The following CDH6 variants were observed in gnomAD, a reference collection of about 807,000 sequenced individuals.
CDH6 encodes cadherin 6.
A neutral mutation model predicts 78.0 loss-of-function variants in CDH6; 31 were observed. The ratio of observed to expected loss-of-function variants is 0.40; its 90% confidence interval spans 0.30 to 0.54. The LOEUF is 0.54. Among genes scored for constraint, CDH6 ranks in the 20% least tolerant of loss-of-function variants. The pLI is 0.56. For missense variants in CDH6, 724 were observed against 975.9 expected (o/e 0.74, Z 3.44); for synonymous variants, 376 against 368.8 (o/e 1.02, Z -0.23).
At chr5:31,284,514 C>G (rs1244462218) in intron 2 of CDH6, among the ~76,000 whole-genome samples, 1 of 152,204 alleles carries the variant, frequency 6.6e-6, no homozygotes, top group Non-Finnish European at 1.5e-5. Context: ...GGGAGAAGCC[C>G]TGTTTCATTC....
chr5:31,226,431 T>C (rs1741152381), intron 1 of CDH6, among the ~76,000 whole-genome samples: 1 of 152,170 alleles, frequency 6.6e-6, no homozygotes, highest in South Asian at 2.1e-4. Context: ...CACCTTGGCC[T>C]CCCAAAGTGC....
chr5:31,229,320 ACT>A (rs1319997272), intron 1 of CDH6, among the ~76,000 whole-genome samples: 2 of 152,226 alleles, frequency 1.3e-5, no homozygotes, highest in African/African-American at 4.8e-5. Flanking sequence ...TGGTCACCAT[ACT>A]GGTTAGAAAT....
chr5:31,292,577 T>C (rs1180850723), intron 2 of CDH6, among the ~76,000 whole-genome samples: 1 of 152,070 alleles, frequency 6.6e-6, no homozygotes, highest in East Asian at 1.9e-4. Flanking sequence ...ATATTCTGTT[T>C]AGACAGAATT....
In CDH6 at chr5:31,326,627, G is replaced by C. The variant is rs190884908; in HGVS notation, c.*3319G>C. On this transcript the variant is annotated 3_prime_UTR_variant, in exon 12 of 12. Coordinates refer to ENST00000265071, the MANE Select transcript of CDH6 (RefSeq NM_004932.4). ...TTAATTTTAACGCAGTATAAAAAAC[G>C]TGTGGTTTAGTTTTTATTTTCAGCT... 2 of 176,600 alleles carry C rather than the reference G, an allele frequency of 1.1e-5. No homozygotes were observed. Among genetic ancestry groups the C allele is most frequent in the South Asian group, 4.0e-4 (2 of 4,966 alleles). The allele number at this position is 176,600 out of a possible 1,614,324, so 10.9% of individuals were successfully genotyped here.
At chr5:31,209,427 C>T (rs1429193726) in intron 1 of CDH6, among the ~76,000 whole-genome samples, 1 of 152,208 alleles carries the variant, frequency 6.6e-6, no homozygotes, top group East Asian at 1.9e-4. Flanking sequence ...CTCTCCCACA[C>T]TGCACATCCC....
In CDH6 at chr5:31,292,838, T is replaced by TATGTGTGC. The variant is rs1737436087; in HGVS notation, c.229-1122_229-1121insGTGTGCAT. Among the ~76,000 whole-genome samples, 12 of 14,228 alleles carry TATGTGTGC rather than the reference T, an allele frequency of 8.4e-4. No homozygotes were observed. The African/African-American group carries it at 8.6e-3, about 10-fold the overall frequency. The allele number at this position is 14,228 out of a possible 152,430, so 9.3% of individuals were successfully genotyped here. On this transcript the variant is annotated intron_variant, in intron 2 of 11. Transcript: ENST00000265071. ...ATATGTGTGCATATATATATATATA[T>TATGTGTGC]ATATATATGTGTGCATATATATATA...
At position 31,322,956 on chromosome 5, in the gene CDH6, T is replaced by C; in HGVS notation, c.2021T>C (p.Ile674Thr). The change falls in exon 12 of 12, where the codon ATC (isoleucine) becomes ACC (threonine). Residue 674 changes from isoleucine (I) to threonine (T), a missense_variant. Physicochemically the swap from Ile to Thr is moderately conservative, Grantham distance 89. Coordinates refer to ENST00000265071, the MANE Select transcript of CDH6 (RefSeq NM_004932.4). ...GAGGAGGACACCCAGGCTTTTGATA[T>C]CGGCACCCTGAGGAATCCTGAAGCC... is the stretch of plus-strand genomic sequence containing the variant. ...GGEEDTQAFD[I>T]GTLRNPEAIE... The C allele has an allele frequency of 1.9e-6, 3 of 1,614,108 alleles. No homozygotes were observed. The highest frequency in any genetic ancestry group is 2.5e-6 in the Non-Finnish European group (3 of 1,180,024).
At chr5:31,288,843 T>C (rs751095512) in intron 2 of CDH6, among the ~76,000 whole-genome samples, 1 of 152,238 alleles carries the variant, frequency 6.6e-6, no homozygotes, top group Non-Finnish European at 1.5e-5. Context: ...CATAATTCAA[T>C]ATTTCATTTT....
intron 2 of CDH6, among the ~76,000 whole-genome samples, chr5:31,285,849 T>A (rs892430752): frequency 2.0e-5 from 3 of 152,212 alleles, no homozygotes; most frequent in Non-Finnish European, 4.4e-5. Flanking sequence ...TGTGTTGAAG[T>A]TGAATTTGTT....
chr5:31,260,562 T>A (rs1448466903), intron 1 of CDH6, among the ~76,000 whole-genome samples: 1 of 152,234 alleles, frequency 6.6e-6, no homozygotes, highest in African/African-American at 2.4e-5. Flanking sequence ...GGATTTTATC[T>A]TTATTAATGC....
Position 31,302,137 on chromosome 5 carries a change from T to A in CDH6, c.838T>A (p.Ser280Thr), listed in dbSNP as rs1347885754. Residue 280 changes from serine (S) to threonine (T), a missense_variant, in exon 6 of 12, where the codon TCT (serine) becomes ACT (threonine). Physicochemically the swap from Ser to Thr is moderately conservative, Grantham distance 58. Coordinates refer to ENST00000265071, the MANE Select transcript of CDH6 (RefSeq NM_004932.4). The part of the protein sequence containing the change: ...QSTYQFKTPE[S>T]SPPGTPIGRI... Reference sequence around the variant, plus strand: ...TACATACCAGTTTAAAACTCCTGAATCTTCTCCACCGGGGACACCAATTGG... The same window carrying A: ...TACATACCAGTTTAAAACTCCTGAAACTTCTCCACCGGGGACACCAATTGG... 2 of 1,613,764 alleles carry A rather than the reference T, an allele frequency of 1.2e-6. No individual in the cohort carries two copies. Among genetic ancestry groups the A allele is most frequent in the Non-Finnish European group, 8.5e-7 (1 of 1,179,736 alleles).
intron 5 of CDH6, among the ~76,000 whole-genome samples, chr5:31,300,942 G>A (rs1737748946): frequency 6.6e-6 from 1 of 152,178 alleles, no homozygotes; most frequent in South Asian, 2.1e-4. Flanking sequence ...GCAACATAGT[G>A]AGACCCTGTG....
At chr5:31,301,529 A>C (rs974939164) in intron 5 of CDH6, among the ~76,000 whole-genome samples, 4 of 152,180 alleles carry the variant, frequency 2.6e-5, no homozygotes, top group African/African-American at 7.2e-5. Context: ...AAAATAATAA[A>C]ATTTAAGAGT....
intron 2 of CDH6, among the ~76,000 whole-genome samples, chr5:31,292,126 G>A (rs181057974): frequency 1.3e-5 from 2 of 152,254 alleles, no homozygotes; most frequent in Admixed American, 6.5e-5. Flanking sequence ...AACATAGCAC[G>A]CACCGGATTC....
intron 8 of CDH6, 112 bp downstream of exon 8, chr5:31,313,566 T>C: frequency 9.6e-7 from 1 of 1,039,546 alleles, no homozygotes; most frequent in Non-Finnish European, 1.4e-6. Context: ...TTGATATATA[T>C]TGAGGGAAAA....
chr5:31,322,675 G>A (rs181246777), intron 11 of CDH6, 143 bp from the exon 12 acceptor site: 4 of 870,080 alleles, frequency 4.6e-6, no homozygotes, highest in African/African-American at 1.7e-5. Context: ...GGAGGCAAGT[G>A]CATCCTTAAA....
chr5:31,295,833 T>C (rs1737575038), intron 3 of CDH6, among the ~76,000 whole-genome samples: 1 of 152,168 alleles, frequency 6.6e-6, no homozygotes, highest in Admixed American at 6.5e-5. Context: ...ATCATGAGGA[T>C]TAGATGATAA....
In CDH6 at chr5:31,277,111, G is replaced by A. The variant is rs116781142; in HGVS notation, c.228+9410G>A. The stretch of plus-strand genomic sequence containing the variant: ...GAGTCTGATGCATTAACAGCAATTC[G>A]GGGCATGAGTTTATATAAAAATATG... On this transcript the variant is annotated intron_variant, in intron 2 of 11. Transcript: ENST00000265071. Among the ~76,000 whole-genome samples the A allele has an allele frequency of 8.1e-3, 1,227 of 152,198 alleles. 20 individuals are homozygous for A. Among genetic ancestry groups the A allele is most frequent in the African/African-American group, 0.027 (1,119 of 41,504 alleles).
At chr5:31,302,792 GAGAGAGAGAAAGAAAGAAAGAAAGAA>G (rs1229528880) in intron 6 of CDH6, among the ~76,000 whole-genome samples, 4 of 58,616 alleles carry the variant, frequency 6.8e-5, no homozygotes, top group African/African-American at 1.9e-4. Context: ...GAGAGAGAGA[GAGAGAGAGAAAGAAAGAAAGAAAGAA>G]AGAAAGAAAG....
Sources: allele counts gnomAD v4.1 joint callset (sites outside exome capture counted in the v4.1 genomes callset), GRCh38; gene constraint gnomAD v4.1.1; transcripts MANE v1.5; gene names NCBI Gene and HGNC (gene_info 2026-07-23, HGNC 2026-07-21).